GBF1: variants seen among roughly 807,000 people sequenced by gnomAD.
GBF1 encodes the protein golgi brefeldin A resistant guanine nucleotide exchange factor 1.
GBF1 carries 114 observed loss-of-function variants against 210.5 expected under a neutral mutation model. That is an observed-to-expected ratio of 0.54 (90% CI 0.47 to 0.63). The LOEUF is 0.63. Ranked by LOEUF, GBF1 falls within the 30% of genes least tolerant of loss-of-function variation. The probability of loss-of-function intolerance (pLI) is 0.00; values close to 1 mark genes in which losing one functional copy is unlikely to be tolerated. For synonymous variants in GBF1, 850 were observed against 889.2 expected (o/e 0.96, Z 0.78); for missense variants, 1,851 against 2,357.7 (o/e 0.79, Z 4.45).
chr10:102,344,047 G>A lies in GBF1; in HGVS notation c.164-4G>A. On this transcript the variant is annotated splice_region_variant and splice_polypyrimidine_tract_variant and intron_variant, in intron 3 of 39. Transcript: ENST00000369983. ...CCTCTTCATTTCTGTGTATTTTCTT[G>A]CAGAACTCTCAGAAATTGAGCCCAA... 1 of 1,611,386 alleles carries A rather than the reference G, an allele frequency of 6.2e-7. No homozygotes were observed. The highest frequency in any genetic ancestry group is 8.5e-7 in the Non-Finnish European group (1 of 1,177,630).
At chr10:102,340,717 G>T (rs911176571) in intron 3 of GBF1, among the ~76,000 whole-genome samples, 1 of 152,142 alleles carries the variant, frequency 6.6e-6, no homozygotes, top group East Asian at 1.9e-4. Context: ...TTTGACAAAG[G>T]TGCAAAGACA....
chr10:102,284,313 A>T (rs1410826959), intron 3 of GBF1, among the ~76,000 whole-genome samples: 3 of 152,210 alleles, frequency 2.0e-5, no homozygotes, highest in African/African-American at 7.2e-5. Flanking sequence ...TTAAAGTGAA[A>T]CAATATAGTG....
At chr10:102,303,713 T>TTAATC (rs773955019) in intron 3 of GBF1, among the ~76,000 whole-genome samples, 1 of 152,210 alleles carries the variant, frequency 6.6e-6, no homozygotes, top group Non-Finnish European at 1.5e-5. Flanking sequence ...CTTCAAAAAT[T>TTAATC]TAATCCGACT....
At chr10:102,304,358 G>A (rs957221437) in intron 3 of GBF1, among the ~76,000 whole-genome samples, 10 of 152,118 alleles carry the variant, frequency 6.6e-5, no homozygotes, top group Admixed American at 4.6e-4. Flanking sequence ...ATGTGGTTCT[G>A]GTTGCAGCAT....
Position 102,370,849 on chromosome 10 carries a change from A to G in GBF1, c.3649A>G (p.Ile1217Val). ...CATTCGGCTTCTCCGGAGAGAAGAG[A>G]TCAGTGCTCAGGTAAGCAGAATGCA... ...LAIRLLRREE[I>V]SAQVLLSLRI... The change falls in exon 29 of 40, where the codon ATC (isoleucine) becomes GTC (valine). Residue 1217 changes from isoleucine (I) to valine (V), a missense_variant. Ile to Val is a conservative substitution (Grantham distance 29). Coordinates refer to ENST00000369983, the MANE Select transcript of GBF1 (RefSeq NM_001377137.1). 1 of 1,614,052 alleles carries G rather than the reference A, an allele frequency of 6.2e-7. No individual in the cohort carries two copies. The highest frequency in any genetic ancestry group is 8.5e-7 in the Non-Finnish European group (1 of 1,179,940).
rs112061268 is a variant in GBF1 at position 102,276,965 on chromosome 10, T to TACACAC, written c.163+16871_163+16876dup. 3.2e-3 allele frequency among the ~76,000 whole-genome samples: 473 copies of TACACAC among 148,730 alleles called. 2 individuals carry two copies. Among genetic ancestry groups the TACACAC allele is most frequent in the East Asian group, 0.012 (63 of 5,078 alleles). On this transcript the variant is annotated intron_variant, in intron 3 of 39. Transcript: ENST00000369983. ...GTCTCCCATATGTCCTTTTGCTACT[T>TACACAC]ACACACACACACACACACACACACA...
At chr10:102,257,492 T>C (rs930548779) in intron 1 of GBF1, among the ~76,000 whole-genome samples, 6 of 151,834 alleles carry the variant, frequency 4.0e-5, no homozygotes, top group Non-Finnish European at 8.8e-5. Context: ...AGTTTTGTTT[T>C]TTTGGTAGAG....
chr10:102,245,134 C>A (rs1333908805), upstream of GBF1, among the ~76,000 whole-genome samples: 1 of 152,190 alleles, frequency 6.6e-6, no homozygotes, highest in East Asian at 1.9e-4. Context: ...AATACGTGGA[C>A]AGGGGAGTAG....
At chr10:102,277,899 C>T (rs893276083) in intron 3 of GBF1, among the ~76,000 whole-genome samples, 2 of 151,760 alleles carry the variant, frequency 1.3e-5, no homozygotes, top group East Asian at 1.9e-4. Flanking sequence ...TTTCTTTAGT[C>T]TCCTTTAATC....
intron 1 of GBF1, among the ~76,000 whole-genome samples, chr10:102,251,784 A>G (rs945425600): frequency 8.5e-5 from 13 of 152,048 alleles, no homozygotes; most frequent in African/African-American, 3.1e-4. Context: ...TTGAACTTCT[A>G]GGCTCAACTG....
intron 3 of GBF1, among the ~76,000 whole-genome samples, chr10:102,298,731 T>C (rs539705143): frequency 3.9e-4 from 60 of 152,298 alleles, no homozygotes; most frequent in Non-Finnish European, 6.3e-4. Flanking sequence ...TTCCAAAAAG[T>C]GAAGAACTTG....
chr10:102,232,116 C>CCAGG, the GBF1 span: 1 of 1,323,700 alleles, frequency 7.6e-7, no homozygotes, highest in Non-Finnish European at 1.1e-6. Flanking sequence ...AAGACACAGA[C>CCAGG]CAGGGTAATG....
intron 3 of GBF1, among the ~76,000 whole-genome samples, chr10:102,317,203 GGGAGAATCGCTTAGCCCA>G (rs1356272510): frequency 6.6e-6 from 1 of 152,076 alleles, no homozygotes; most frequent in East Asian, 1.9e-4. Context: ...AGGCTGAGAT[GGGAGAATCGCTTAGCCCA>G]GAAGTCCAAG....
At chr10:102,337,251 G>T (rs935796656) in intron 3 of GBF1, among the ~76,000 whole-genome samples, 1 of 143,666 alleles carries the variant, frequency 7.0e-6, no homozygotes, top group Non-Finnish European at 1.5e-5. Context: ...GGTGGTGGGC[G>T]CCTGTAGTCC....
At chr10:102,331,204 G>T (rs1294205147) in intron 3 of GBF1, among the ~76,000 whole-genome samples, 1 of 152,124 alleles carries the variant, frequency 6.6e-6, no homozygotes, top group African/African-American at 2.4e-5. Flanking sequence ...AAGCCAGAGA[G>T]CATATATAGA....
intron 3 of GBF1, among the ~76,000 whole-genome samples, chr10:102,289,423 A>T (rs1263541920): frequency 6.6e-5 from 10 of 152,072 alleles, no homozygotes; most frequent in Non-Finnish European, 1.2e-4. Context: ...GAATCAGTTT[A>T]CTTTTTCAAA....
the GBF1 span, among the ~76,000 whole-genome samples, chr10:102,236,491 G>A: frequency 6.6e-6 from 1 of 152,204 alleles, no homozygotes; most frequent in East Asian, 1.9e-4. Flanking sequence ...CCCAGGCCCA[G>A]GGAGTACAGA....
chr10:102,342,595 G>A (rs976295874), intron 3 of GBF1, among the ~76,000 whole-genome samples: 1 of 152,046 alleles, frequency 6.6e-6, no homozygotes, highest in African/African-American at 2.4e-5. Context: ...GAGCAGCCGG[G>A]CCCAGGGAAT....
In GBF1 at chr10:102,366,822, G is replaced by T. The variant is rs1457540106; in HGVS notation, c.2434-263G>T. On this transcript the variant is annotated intron_variant, in intron 19 of 39. Transcript: ENST00000369983. The surrounding 1 kb of genome is among the most constrained non-coding windows in gnomAD (Gnocchi z 4.0). ...GCTGGTCTCGAACTCCTGATCTCGG[G>T]TGATCCGCCCACCTCGGCCTCCCTG... Among the ~76,000 whole-genome samples the T allele has an allele frequency of 1.3e-5, 2 of 152,078 alleles. No individual in the cohort carries two copies. Among genetic ancestry groups the T allele is most frequent in the African/African-American group, 2.4e-5 (1 of 41,394 alleles).
Sources: allele counts gnomAD v4.1 joint callset (sites outside exome capture counted in the v4.1 genomes callset), GRCh38; gene constraint gnomAD v4.1.1; non-coding constraint Gnocchi (gnomAD v3.1); transcripts MANE v1.5; gene names NCBI Gene and HGNC (gene_info 2026-07-23, HGNC 2026-07-21).